The following ZFAND3 variants were observed in gnomAD, a reference collection of about 807,000 sequenced individuals.
The protein encoded by ZFAND3 is zinc finger AN1-type containing 3.
A neutral mutation model predicts 29.6 loss-of-function variants in ZFAND3; 10 were observed. That is an observed-to-expected ratio of 0.34 (90% CI 0.21 to 0.57). The LOEUF is 0.57. ZFAND3 is among the 20% of genes least tolerant of loss of function. The probability of loss-of-function intolerance (pLI) is 0.86; values close to 1 mark genes in which losing one functional copy is unlikely to be tolerated. For missense variants in ZFAND3, 230 were observed against 304.5 expected, an observed-to-expected ratio of 0.76 and a Z score of 1.82; for synonymous variants, 128 against 112.6, an observed-to-expected ratio of 1.14 and a Z score of -0.87.
At chr6:38,002,289 T>C (rs527588427) in intron 2 of ZFAND3, among the ~76,000 whole-genome samples, 10 of 151,506 alleles carry the variant, frequency 6.6e-5, no homozygotes, top group South Asian at 2.1e-4. Flanking sequence ...TCTTTTCTTT[T>C]TTTTTTTTTT....
At chr6:37,940,365 A>T (rs1761790371) in intron 2 of ZFAND3, among the ~76,000 whole-genome samples, 2 of 152,164 alleles carry the variant, frequency 1.3e-5, no homozygotes, top group African/African-American at 4.8e-5. Context: ...CTTGTACTTA[A>T]TTCTTAGTCC....
chr6:37,866,160 G>C (rs1764587561), intron 1 of ZFAND3, among the ~76,000 whole-genome samples: 1 of 152,156 alleles, frequency 6.6e-6, no homozygotes, highest in South Asian at 2.1e-4. Context: ...GAGATAGTAG[G>C]AGCTCTGTTT....
At chr6:38,057,333 GGCAGTAATCAGAA>G (rs1764150175) in intron 2 of ZFAND3, among the ~76,000 whole-genome samples, 1 of 151,994 alleles carries the variant, frequency 6.6e-6, no homozygotes. Context: ...CTTTCTTTTT[GGCAGTAATCAGAA>G]GTTGGATGCT....
At chr6:38,128,838 C>A (rs1765687914) in intron 5 of ZFAND3, among the ~76,000 whole-genome samples, 1 of 152,176 alleles carries the variant, frequency 6.6e-6, no homozygotes. Flanking sequence ...ATAATGACTT[C>A]TTTTCCTCTG....
At chr6:37,863,516 C>A (rs1764531237) in intron 1 of ZFAND3, among the ~76,000 whole-genome samples, 1 of 152,156 alleles carries the variant, frequency 6.6e-6, no homozygotes, top group Admixed American at 6.5e-5. Context: ...AATAAAGACA[C>A]ACCAAAAGGT....
intron 1 of ZFAND3, among the ~76,000 whole-genome samples, chr6:37,869,114 T>C (rs551521792): frequency 6.6e-6 from 1 of 152,328 alleles, no homozygotes; most frequent in South Asian, 2.1e-4. Context: ...TAAAGTTCAT[T>C]GTATCGTTCA....
intron 1 of ZFAND3, among the ~76,000 whole-genome samples, chr6:37,877,341 C>G (rs150394046): frequency 1.3e-5 from 2 of 152,058 alleles, no homozygotes; most frequent in Non-Finnish European, 1.5e-5. Flanking sequence ...TCCTTGGTAG[C>G]TGGTTGTGGA....
chr6:37,988,389 G>T (rs1238839452), intron 2 of ZFAND3, among the ~76,000 whole-genome samples: 1 of 152,120 alleles, frequency 6.6e-6, no homozygotes, highest in Non-Finnish European at 1.5e-5. Context: ...TCCTTGCTGT[G>T]GTATCTCACT....
At chr6:38,066,112 T>G (rs1764341971) in intron 3 of ZFAND3, among the ~76,000 whole-genome samples, 1 of 152,182 alleles carries the variant, frequency 6.6e-6, no homozygotes, top group Non-Finnish European at 1.5e-5. Context: ...CAGGTCAGCT[T>G]TGCTCCCTCA....
At chr6:38,000,526 A>G (rs775113848) in intron 2 of ZFAND3, among the ~76,000 whole-genome samples, 2 of 152,172 alleles carry the variant, frequency 1.3e-5, no homozygotes, top group African/African-American at 4.8e-5. Flanking sequence ...GTGGCAGGCA[A>G]GAGAGCTCGT....
chr6:37,963,430 A>G (rs1358949175), intron 2 of ZFAND3, among the ~76,000 whole-genome samples: 1 of 152,202 alleles, frequency 6.6e-6, no homozygotes, highest in Non-Finnish European at 1.5e-5. Context: ...CATCTTAACT[A>G]AAAAAGCAAG....
intron 4 of ZFAND3, among the ~76,000 whole-genome samples, chr6:38,104,448 G>T (rs1562000856): frequency 6.6e-6 from 1 of 151,970 alleles, no homozygotes; most frequent in East Asian, 1.9e-4. Flanking sequence ...ATGGGGAGAA[G>T]TTTTTTTTGT....
rs57409051 is a variant in ZFAND3 at position 38,090,001 on chromosome 6, G to A, written c.361+7544G>A. Among the ~76,000 whole-genome samples, 2,677 of 152,132 alleles carry A rather than the reference G, an allele frequency of 0.018. 253 individuals are homozygous for A. The East Asian group carries it at 0.28, about 16-fold the overall frequency. On this transcript the variant is annotated intron_variant, in intron 4 of 5. Coordinates refer to ENST00000287218, the MANE Select transcript of ZFAND3 (RefSeq NM_021943.3). Reference sequence around the variant, plus strand: ...CCTGAGTAGCTGGGACTACAGGTGCGTGCCACCACACCTGGCTAATTTTGT... The same window carrying A: ...CCTGAGTAGCTGGGACTACAGGTGCATGCCACCACACCTGGCTAATTTTGT...
At chr6:37,938,622 A>G (rs1271926096) in intron 2 of ZFAND3, among the ~76,000 whole-genome samples, 1 of 152,226 alleles carries the variant, frequency 6.6e-6, no homozygotes, top group Non-Finnish European at 1.5e-5. Flanking sequence ...ACAGTTCCTT[A>G]ACGGATTAGC....
intron 1 of ZFAND3, among the ~76,000 whole-genome samples, chr6:37,820,281 C>T (rs551284222): frequency 6.6e-6 from 1 of 152,014 alleles, no homozygotes; most frequent in African/African-American, 2.4e-5. Context: ...CCTCCTGGGC[C>T]ACGGGTGAGG....
intron 2 of ZFAND3, among the ~76,000 whole-genome samples, chr6:38,048,465 C>CA (rs965825819): frequency 2.6e-5 from 4 of 151,288 alleles, no homozygotes; most frequent in South Asian, 4.2e-4. Context: ...ACTAAAAATA[C>CA]AAAAAAATTA....
intron 2 of ZFAND3, among the ~76,000 whole-genome samples, chr6:37,982,603 A>G (rs914993881): frequency 6.6e-6 from 1 of 152,204 alleles, no homozygotes; most frequent in African/African-American, 2.4e-5. Context: ...TTGTGTAAGT[A>G]TATCTACTGT....
At chr6:38,149,781 G>C (rs1014469512) in intron 5 of ZFAND3, among the ~76,000 whole-genome samples, 9 of 152,222 alleles carry the variant, frequency 5.9e-5, no homozygotes, top group African/African-American at 2.2e-4. Flanking sequence ...CAGGAGCCAA[G>C]TTAATTCCAG....
intron 2 of ZFAND3, among the ~76,000 whole-genome samples, chr6:38,005,816 A>G (rs1763038032): frequency 2.0e-5 from 3 of 152,196 alleles, no homozygotes; most frequent in Admixed American, 2.0e-4. Context: ...GGAAAAGTTG[A>G]CCACTTGAGT....
Sources: gnomAD v4.1 joint callset for allele counts (sites outside exome capture counted in the v4.1 genomes callset) on GRCh38, gnomAD v4.1.1 for gene constraint, MANE v1.5 for transcripts, NCBI Gene and HGNC (gene_info 2026-07-23, HGNC 2026-07-21) for gene names.